The following MLLT10 variants were observed in gnomAD, a reference collection of about 807,000 sequenced individuals.
MLLT10 encodes MLLT10 histone lysine methyltransferase DOT1L cofactor.
In MLLT10, 30 loss-of-function variants were observed where a neutral mutation model predicts 129.1. The ratio of observed to expected loss-of-function variants is 0.23; its 90% CI spans 0.17 to 0.32. The LOEUF (loss-of-function observed/expected upper bound fraction) is 0.32. Ranked by LOEUF, MLLT10 falls within the 10% of genes least tolerant of loss-of-function variation. The pLI, the probability that MLLT10 is intolerant of heterozygous loss-of-function variation, is 1.00. For missense variants in MLLT10, 1,119 were observed against 1,268.3 expected (o/e 0.88, Z 1.79); for synonymous variants, 490 against 446.4 (o/e 1.10, Z -1.23).
At chr10:21,615,746 T>G (rs2045188282) in intron 7 of MLLT10, among the ~76,000 whole-genome samples, 1 of 152,146 alleles carries the variant, frequency 6.6e-6, no homozygotes. Context: ...GAAAAATATA[T>G]TTAAATACAA....
At position 21,625,614 on chromosome 10, in the gene MLLT10, G is replaced by A. The variant is rs1241384715; in HGVS notation, c.699+8407G>A. The stretch of plus-strand genomic sequence containing the variant: ...TTTTTGTCATCAGGTTGATCATAGA[G>A]AATGACGTCCACCAAACCCTCTGTG... On this transcript the variant is annotated intron_variant, in intron 8 of 22. Transcript: ENST00000307729. 4.0e-6 allele frequency: 3 copies of A among 756,834 alleles called. No individual in the cohort carries two copies. The African/African-American group carries it at 5.1e-5, about 13-fold the overall frequency. The allele number at this position is 756,834 out of a possible 1,614,324, so 46.9% of individuals were successfully genotyped here. A position where few individuals can be genotyped will look rare whatever the true frequency, so the allele number is the denominator to read the frequency against.
chr10:21,594,556 A>C (rs2042847144), intron 4 of MLLT10, among the ~76,000 whole-genome samples: 1 of 132,748 alleles, frequency 7.5e-6, no homozygotes, highest in Non-Finnish European at 1.7e-5. Context: ...TCTGTCTCAA[A>C]AAAAAAAAAA....
chr10:21,648,043 A>T (rs954667078), intron 8 of MLLT10, among the ~76,000 whole-genome samples: 1 of 152,168 alleles, frequency 6.6e-6, no homozygotes, highest in Non-Finnish European at 1.5e-5. Context: ...CCCCTAAATT[A>T]TTAACCAGTT....
rs375236959 is a variant in MLLT10, at chr10:21,618,310, A to G, written c.699+1103A>G. On this transcript the variant is annotated intron_variant, in intron 8 of 22. Transcript: ENST00000307729. The stretch of plus-strand genomic sequence containing the variant: ...GAGGAGTTTGAGACCAGCCTGGCCA[A>G]CATGGTGAAACTGTGTCTCTACTAA... 1.7e-4 allele frequency among the ~76,000 whole-genome samples: 26 copies of G among 152,086 alleles called. 1 individual carries two copies. In the East Asian group the frequency reaches 3.5e-3, roughly 21 times the overall value.
chr10:21,571,777 T>C (rs2040231753), intron 3 of MLLT10, among the ~76,000 whole-genome samples: 1 of 152,228 alleles, frequency 6.6e-6, no homozygotes, highest in Admixed American at 6.5e-5. Flanking sequence ...GCCTTTGCTA[T>C]TCTTTGTTTT....
intron 8 of MLLT10, among the ~76,000 whole-genome samples, chr10:21,642,458 A>T (rs1178303000): frequency 1.3e-5 from 2 of 152,170 alleles, no homozygotes; most frequent in Admixed American, 1.3e-4. Context: ...GGAGTTTAAG[A>T]CCAGCCTGGC....
At chr10:21,643,138 T>C (rs1049255258) in intron 8 of MLLT10, among the ~76,000 whole-genome samples, 1 of 152,178 alleles carries the variant, frequency 6.6e-6, no homozygotes, top group African/African-American at 2.4e-5. Context: ...GTTCAAGCGA[T>C]TCTCCTGCCT....
intron 17 of MLLT10, 51 bp downstream of exon 17, chr10:21,731,105 A>C: frequency 6.6e-7 from 1 of 1,524,882 alleles, no homozygotes; most frequent in Admixed American, 2.0e-5. Context: ...GCAGATGGAC[A>C]AACAGGCAGA....
chr10:21,728,380 A>G (rs1378347765), intron 16 of MLLT10, among the ~76,000 whole-genome samples: 2 of 152,344 alleles, frequency 1.3e-5, no homozygotes, highest in Non-Finnish European at 2.9e-5. Context: ...TGTTTGAATC[A>G]GTTATAGCAA....
At position 21,631,404 on chromosome 10, in the gene MLLT10, T is replaced by C. The variant is rs576773482; in HGVS notation, c.699+14197T>C. On this transcript the variant is annotated intron_variant, in intron 8 of 22. Transcript: ENST00000307729. ...TAAATGATAGAGCTGGAATTTAAGA[T>C]GAACTATGTCTGACTACGAAGTCCC... Among the ~76,000 whole-genome samples, 16 of 149,448 alleles carry C rather than the reference T, an allele frequency of 1.1e-4. No homozygotes were observed. In the East Asian group the frequency reaches 3.1e-3, roughly 29 times the overall value.
chr10:21,534,845 C>T (rs748894149), intron 2 of MLLT10, 41 bp downstream of exon 2: 11 of 1,480,538 alleles, frequency 7.4e-6, no homozygotes, highest in Middle Eastern at 2.4e-4. Context: ...CGGCCTGCGC[C>T]CAACGGTCAC....
At chr10:21,625,085 A>C in intron 8 of MLLT10, 2 of 881,256 alleles carry the variant, frequency 2.3e-6, no homozygotes, top group East Asian at 2.4e-5. Context: ...TCTTCATGCC[A>C]TAGTAATCTG....
intron 4 of MLLT10, among the ~76,000 whole-genome samples, chr10:21,590,384 A>G (rs1349321133): frequency 1.3e-5 from 2 of 151,832 alleles, no homozygotes; most frequent in Non-Finnish European, 2.9e-5. Flanking sequence ...CTGTCACTCA[A>G]GCTGGAATGC....
rs1833874270 is a variant in MLLT10, at chr10:21,743,097, G to C, written c.*1114G>C. On this transcript the variant is annotated 3_prime_UTR_variant, in exon 23 of 23. Coordinates refer to ENST00000307729, the MANE Select transcript of MLLT10 (RefSeq NM_001195626.3). Reference sequence around the variant, plus strand: ...TATGACAGCCCTTCCACTTTGGGGAGCCACGCTTTTGATGTGACAGTACCG... The same window carrying C: ...TATGACAGCCCTTCCACTTTGGGGACCCACGCTTTTGATGTGACAGTACCG... 1 of 230,760 alleles carries C rather than the reference G, an allele frequency of 4.3e-6. No homozygotes were observed. 14.3% of individuals were successfully genotyped at this position (230,760 alleles called of 1,614,324 possible).
At chr10:21,615,669 A>G (rs745902207) in intron 7 of MLLT10, among the ~76,000 whole-genome samples, 3 of 151,836 alleles carry the variant, frequency 2.0e-5, no homozygotes, top group Non-Finnish European at 4.4e-5. Context: ...ATTTATTTTC[A>G]TTTTTATTTA....
At chr10:21,553,689 G>A (rs1200567680) in intron 3 of MLLT10, among the ~76,000 whole-genome samples, 3 of 143,080 alleles carry the variant, frequency 2.1e-5, no homozygotes, top group South Asian at 2.2e-4. Flanking sequence ...CCTCTCTGTC[G>A]CCCAGGCTGA....
At chr10:21,724,404 C>T (rs980217177) in intron 14 of MLLT10, among the ~76,000 whole-genome samples, 3 of 152,240 alleles carry the variant, frequency 2.0e-5, no homozygotes, top group Admixed American at 6.5e-5. Flanking sequence ...ATTTTGCTTA[C>T]AACTACTGTG....
intron 14 of MLLT10, among the ~76,000 whole-genome samples, chr10:21,724,813 G>T (rs2057366521): frequency 6.6e-6 from 1 of 152,210 alleles, no homozygotes; most frequent in Non-Finnish European, 1.5e-5. Context: ...ACTTTGGCCA[G>T]CCTCCTTAGC....
At chr10:21,534,861 C>G in intron 2 of MLLT10, 57 bp downstream of exon 2, 1 of 1,303,266 alleles carries the variant, frequency 7.7e-7, no homozygotes, top group Non-Finnish European at 9.9e-7. Flanking sequence ...GTCACCGCCG[C>G]CCCCACCTGG....
Sources: gnomAD v4.1 joint callset for allele counts (sites outside exome capture counted in the v4.1 genomes callset) on GRCh38, gnomAD v4.1.1 for gene constraint, MANE v1.5 for transcripts, NCBI Gene and HGNC (gene_info 2026-07-23, HGNC 2026-07-21) for gene names.